The following NTNG1 variants were observed in gnomAD, a reference collection of about 807,000 sequenced individuals.
The protein encoded by NTNG1 is netrin-G1.
In NTNG1, 16 loss-of-function variants were observed where a neutral mutation model predicts 54.0. The observed-to-expected ratio is 0.30, with a 90% confidence interval of 0.20 to 0.45. The LOEUF is 0.45. Ranked by LOEUF, NTNG1 falls within the 20% of genes least tolerant of loss-of-function variation. The pLI is 1.00. For missense variants in NTNG1, 530 were observed against 678.7 expected (o/e 0.78, Z 2.43); for synonymous variants, 255 against 263.1 (o/e 0.97, Z 0.30).
At chr1:107,273,632 T>G (rs371288556) in intron 2 of NTNG1, among the ~76,000 whole-genome samples, 1 of 152,172 alleles carries the variant, frequency 6.6e-6, no homozygotes, top group South Asian at 2.1e-4. Context: ...GTCTGAATAT[T>G]TAAGGAATGA....
chr1:107,477,293 T>C (rs952430170), intron 7 of NTNG1, among the ~76,000 whole-genome samples: 4 of 152,170 alleles, frequency 2.6e-5, no homozygotes, highest in African/African-American at 9.7e-5. Context: ...AAGCTGGTTA[T>C]GAATAAAGCT....
chr1:107,182,951 G>C (rs1657181769), intron 2 of NTNG1, among the ~76,000 whole-genome samples: 1 of 152,280 alleles, frequency 6.6e-6, no homozygotes, highest in Admixed American at 6.5e-5. Flanking sequence ...GAGAATTCCA[G>C]TGATATTAAG....
At chr1:107,231,677 A>T (rs139543297) in intron 2 of NTNG1, among the ~76,000 whole-genome samples, 1 of 152,260 alleles carries the variant, frequency 6.6e-6, no homozygotes, top group Non-Finnish European at 1.5e-5. Flanking sequence ...CCTGGATGAT[A>T]ACCATCAAGT....
intron 3 of NTNG1, among the ~76,000 whole-genome samples, chr1:107,364,739 T>C (rs908993016): frequency 2.6e-5 from 4 of 152,238 alleles, no homozygotes; most frequent in Admixed American, 1.3e-4. Context: ...AATGCTTATC[T>C]ACTCTGAATC....
At chr1:107,153,251 G>A (rs1654725732) in intron 2 of NTNG1, among the ~76,000 whole-genome samples, 1 of 152,124 alleles carries the variant, frequency 6.6e-6, no homozygotes, top group African/African-American at 2.4e-5. Context: ...ATTTACCTTT[G>A]GCTCAGGTTG....
At chr1:107,236,355 G>C (rs1027715217) in intron 2 of NTNG1, among the ~76,000 whole-genome samples, 2 of 152,140 alleles carry the variant, frequency 1.3e-5, no homozygotes, top group Non-Finnish European at 2.9e-5. Flanking sequence ...GAAGGAAGAG[G>C]TTATAAGTCA....
intron 5 of NTNG1, among the ~76,000 whole-genome samples, chr1:107,417,633 A>G (rs1674309258): frequency 6.6e-6 from 1 of 152,080 alleles, no homozygotes; most frequent in South Asian, 2.1e-4. Flanking sequence ...ACTGGAAGTA[A>G]CAGGTTACAG....
intron 7 of NTNG1, among the ~76,000 whole-genome samples, chr1:107,461,333 A>G (rs967816148): frequency 2.0e-5 from 3 of 152,148 alleles, no homozygotes; most frequent in Admixed American, 2.0e-4. Flanking sequence ...CTGGAGGAAG[A>G]GTGTTCCAGG....
At chr1:107,360,829 A>G (rs867413770) in intron 3 of NTNG1, among the ~76,000 whole-genome samples, 1 of 152,154 alleles carries the variant, frequency 6.6e-6, no homozygotes, top group Non-Finnish European at 1.5e-5. Context: ...ACTTTCTAAC[A>G]TCTAGTCACC....
At chr1:107,368,350 C>A (rs547421529) in intron 3 of NTNG1, among the ~76,000 whole-genome samples, 1 of 151,698 alleles carries the variant, frequency 6.6e-6, no homozygotes, top group South Asian at 2.1e-4. Context: ...ACATTGGTGG[C>A]AGAATTATTT....
chr1:107,289,399 A>G (rs1438672456), intron 2 of NTNG1, among the ~76,000 whole-genome samples: 4 of 152,154 alleles, frequency 2.6e-5, no homozygotes, highest in African/African-American at 9.7e-5. Flanking sequence ...AGCTTCTTTT[A>G]TAAAGAAATT....
intron 2 of NTNG1, among the ~76,000 whole-genome samples, chr1:107,187,016 G>A (rs1657509213): frequency 6.6e-6 from 1 of 152,092 alleles, no homozygotes; most frequent in Non-Finnish European, 1.5e-5. Flanking sequence ...GTATGATGAA[G>A]CACAGAGTTT....
At chr1:107,245,154 A>T (rs763085410) in intron 2 of NTNG1, among the ~76,000 whole-genome samples, 1 of 152,212 alleles carries the variant, frequency 6.6e-6, no homozygotes, top group Non-Finnish European at 1.5e-5. Context: ...GAATTTATCC[A>T]GGCAAATTCC....
At chr1:107,427,076 C>T (rs183669623) in intron 5 of NTNG1, among the ~76,000 whole-genome samples, 27 of 152,070 alleles carry the variant, frequency 1.8e-4, no homozygotes, top group African/African-American at 6.0e-4. Context: ...CTAGGATTCT[C>T]CTACAGGATC....
At chr1:107,393,345 T>C (rs1423333493) in intron 3 of NTNG1, among the ~76,000 whole-genome samples, 2 of 152,070 alleles carry the variant, frequency 1.3e-5, no homozygotes, top group African/African-American at 4.8e-5. Flanking sequence ...CACCCATAAA[T>C]AAAGGTGTTA....
intron 2 of NTNG1, among the ~76,000 whole-genome samples, chr1:107,175,663 G>A (rs1656592558): frequency 6.6e-6 from 1 of 151,638 alleles, no homozygotes; most frequent in Non-Finnish European, 1.5e-5. Flanking sequence ...TATATGAAAA[G>A]CTATTATGCT....
At chr1:107,186,210 C>T (rs1324965249) in intron 2 of NTNG1, among the ~76,000 whole-genome samples, 2 of 152,108 alleles carry the variant, frequency 1.3e-5, no homozygotes, top group Non-Finnish European at 2.9e-5. Flanking sequence ...ATGGACTTTA[C>T]CTTCAAAATA....
intron 2 of NTNG1, among the ~76,000 whole-genome samples, chr1:107,200,147 A>G (rs1430802773): frequency 2.0e-5 from 3 of 151,728 alleles, no homozygotes; most frequent in Non-Finnish European, 4.4e-5. Flanking sequence ...TTTCACCATA[A>G]TCTCTGACTG....
intron 2 of NTNG1, among the ~76,000 whole-genome samples, chr1:107,165,185 G>A (rs992962067): frequency 2.0e-5 from 3 of 152,188 alleles, no homozygotes; most frequent in Admixed American, 6.5e-5. Context: ...TAGAACTAGC[G>A]GGAAAGCTGT....
Sources: allele counts gnomAD v4.1 joint callset (sites outside exome capture counted in the v4.1 genomes callset), GRCh38; gene constraint gnomAD v4.1.1; transcripts MANE v1.5; gene names NCBI Gene and HGNC (gene_info 2026-07-23, HGNC 2026-07-21).